Variants in CNOT10 observed in about 807,000 individuals in gnomAD.
The protein encoded by CNOT10 is CCR4-NOT transcription complex, subunit 10.
Under a neutral mutation model 94.6 loss-of-function variants are expected in CNOT10, and 30 were observed. That is an observed-to-expected ratio of 0.32 (90% CI 0.24 to 0.43). The LOEUF (loss-of-function observed/expected upper bound fraction) is 0.43. CNOT10 is among the 20% of genes least tolerant of loss of function. CNOT10 has a pLI of 1.00. For synonymous variants in CNOT10, 289 were observed against 301.6 expected (o/e 0.96, Z 0.43); for missense variants, 759 against 877.2 (o/e 0.87, Z 1.70).
Position 32,727,812 on chromosome 3 carries a change from A to C in CNOT10, c.1157A>C (p.His386Pro). 1.9e-6 allele frequency: 3 copies of C among 1,613,842 alleles called. No homozygotes were observed. Among genetic ancestry groups the C allele is most frequent in the Non-Finnish European group, 2.5e-6 (3 of 1,179,976 alleles). Residue 386 changes from histidine to proline, a missense_variant, in exon 10 of 19, where the codon CAT (histidine) becomes CCT (proline). Coordinates refer to ENST00000328834, the MANE Select transcript of CNOT10 (RefSeq NM_015442.3). ...ECLIEAVQVY[H>P]ANPRLWLRLA... ...CTGATTGAAGCTGTTCAGGTTTATC[A>C]TGCAAATCCTCGCCTCTGGCTACGG...
intron 13 of CNOT10, among the ~76,000 whole-genome samples, chr3:32,749,755 T>C (rs1401985872): frequency 6.6e-6 from 1 of 152,124 alleles, no homozygotes; most frequent in East Asian, 1.9e-4. Context: ...AAGGCTCAAC[T>C]TCATTTTTTT....
intron 13 of CNOT10, among the ~76,000 whole-genome samples, chr3:32,751,725 C>G (rs1476572425): frequency 6.6e-6 from 1 of 152,104 alleles, no homozygotes; most frequent in Non-Finnish European, 1.5e-5. Context: ...ATATTGTAGC[C>G]CATAAGACAT....
chr3:32,733,309 A>T lies in CNOT10; in HGVS notation c.1216-114A>T, dbSNP rs961152391. The T allele has an allele frequency of 4.7e-5, 38 of 813,536 alleles. 1 individual carries two copies. Among genetic ancestry groups the T allele is most frequent in the Non-Finnish European group, 3.3e-5 (18 of 545,068 alleles). The allele number at this position is 813,536 out of a possible 1,614,324, so 50.4% of individuals were successfully genotyped here. A position where few individuals can be genotyped will look rare whatever the true frequency, so the allele number is the denominator to read the frequency against. ...TCCATTATCACCAAAAAAAGTCCTC[A>T]TTGACTTTAAGAACTTTCTTAAATT... is the stretch of plus-strand genomic sequence containing the variant. On this transcript the variant is annotated intron_variant, in intron 10 of 18. Transcript: ENST00000328834.
At chr3:32,771,801 C>T (rs1028611958) in intron 18 of CNOT10, among the ~76,000 whole-genome samples, 2 of 152,120 alleles carry the variant, frequency 1.3e-5, no homozygotes, top group Non-Finnish European at 2.9e-5. Flanking sequence ...AACCTTTCTC[C>T]TAGGCAGCTA....
chr3:32,740,996 G>T (rs1271486225), intron 13 of CNOT10, among the ~76,000 whole-genome samples: 1 of 151,908 alleles, frequency 6.6e-6, no homozygotes, highest in East Asian at 1.9e-4. Context: ...GTGAGCCACC[G>T]TGCCTAACCC....
chr3:32,761,739 T>C (rs1700455074), intron 14 of CNOT10, among the ~76,000 whole-genome samples: 2 of 151,386 alleles, frequency 1.3e-5, no homozygotes, highest in African/African-American at 4.8e-5. Context: ...TTTTTTTTTT[T>C]TTTCTTTTTT....
intron 13 of CNOT10, among the ~76,000 whole-genome samples, chr3:32,743,533 C>T (rs1430329349): frequency 6.6e-6 from 1 of 152,028 alleles, no homozygotes; most frequent in Non-Finnish European, 1.5e-5. Context: ...ACACGGGAGG[C>T]TGAGGCAGGA....
At chr3:32,752,902 C>A in intron 13 of CNOT10, 1 of 382,600 alleles carries the variant, frequency 2.6e-6, no homozygotes, top group Non-Finnish European at 5.1e-6. Context: ...GCAGCAGTGA[C>A]TACGAGGATG....
intron 11 of CNOT10, among the ~76,000 whole-genome samples, chr3:32,734,461 C>T (rs1699091759): frequency 6.6e-6 from 1 of 152,142 alleles, no homozygotes; most frequent in African/African-American, 2.4e-5. Flanking sequence ...TCTTAGTATA[C>T]CTCTCCTTGC....
intron 1 of CNOT10, among the ~76,000 whole-genome samples, chr3:32,702,320 C>T (rs1188344946): frequency 6.6e-6 from 1 of 152,206 alleles, no homozygotes; most frequent in Non-Finnish European, 1.5e-5. Context: ...GTACTTAACA[C>T]ACTTTTGCTC....
At chr3:32,694,701 C>T (rs552079393) in intron 1 of CNOT10, among the ~76,000 whole-genome samples, 10 of 151,978 alleles carry the variant, frequency 6.6e-5, no homozygotes, top group Admixed American at 3.9e-4. Context: ...GTGATTCTCC[C>T]GCCTCAGCCT....
intron 9 of CNOT10, 142 bp downstream of exon 9, chr3:32,725,741 AT>A: frequency 3.0e-6 from 2 of 660,994 alleles, no homozygotes; most frequent in Non-Finnish European, 4.9e-6. Flanking sequence ...GGCTCTGGGG[AT>A]TTTTAGTAGA....
At chr3:32,691,703 A>T (rs1311681941) in intron 1 of CNOT10, among the ~76,000 whole-genome samples, 1 of 152,178 alleles carries the variant, frequency 6.6e-6, no homozygotes, top group Admixed American at 6.5e-5. Flanking sequence ...AGGGACATTC[A>T]CCTATGTAAC....
chr3:32,750,493 A>C (rs1699917796), intron 13 of CNOT10, among the ~76,000 whole-genome samples: 1 of 152,166 alleles, frequency 6.6e-6, no homozygotes, highest in African/African-American at 2.4e-5. Context: ...CTCCATCTCA[A>C]AAACAAAAAA....
intron 17 of CNOT10, chr3:32,769,623 A>T: frequency 2.6e-6 from 1 of 388,170 alleles, no homozygotes; most frequent in East Asian, 4.2e-5. Context: ...TGTGAAAGCC[A>T]CCAGCAGAAT....
intron 3 of CNOT10, among the ~76,000 whole-genome samples, chr3:32,708,428 G>A (rs536053790): frequency 1.3e-5 from 2 of 152,164 alleles, no homozygotes; most frequent in Non-Finnish European, 2.9e-5. Context: ...CTAGCCATGT[G>A]CTGGGTACTT....
At chr3:32,763,010 A>G in intron 15 of CNOT10, 147 bp downstream of exon 15, 1 of 757,904 alleles carries the variant, frequency 1.3e-6, no homozygotes, top group Non-Finnish European at 1.9e-6. Context: ...CTTACTTTGT[A>G]GCAGTTGTTT....
intron 4 of CNOT10, 135 bp downstream of exon 4, chr3:32,708,955 A>G (rs1697749356): frequency 1.6e-6 from 1 of 627,900 alleles, no homozygotes; most frequent in Non-Finnish European, 2.5e-6. Flanking sequence ...GCTTTGCTTA[A>G]TGGTTAGAAA....
chr3:32,747,678 G>A (rs1327604480), intron 13 of CNOT10, among the ~76,000 whole-genome samples: 1 of 151,686 alleles, frequency 6.6e-6, no homozygotes, highest in Non-Finnish European at 1.5e-5. Flanking sequence ...GGCTGGGCTC[G>A]GTGGCTCACG....
Sources: allele counts gnomAD v4.1 joint callset (sites outside exome capture counted in the v4.1 genomes callset), GRCh38; gene constraint gnomAD v4.1.1; transcripts MANE v1.5; gene names NCBI Gene and HGNC (gene_info 2026-07-23, HGNC 2026-07-21).